The following FAM135B variants were observed in gnomAD, a reference collection of about 807,000 sequenced individuals.
FAM135B encodes family with sequence similarity 135 member B.
FAM135B carries 43 observed loss-of-function variants against 127.7 expected under a neutral mutation model. The ratio of observed to expected loss-of-function variants is 0.34; its 90% CI spans 0.26 to 0.43. The LOEUF (loss-of-function observed/expected upper bound fraction) is 0.43, where lower values mean the gene tolerates loss of function less well. Among genes scored for constraint, FAM135B ranks in the 20% least tolerant of loss-of-function variants. The pLI is 1.00. For missense variants in FAM135B, 1,558 were observed against 1,725.6 expected (o/e 0.90, Z 1.72); for synonymous variants, 670 against 665.1 (o/e 1.01, Z -0.11).
At chr8:138,365,068 A>G (rs2131199567) in intron 2 of FAM135B, among the ~76,000 whole-genome samples, 1 of 152,174 alleles carries the variant, frequency 6.6e-6, no homozygotes, top group African/African-American at 2.4e-5. Context: ...GCTCGTCTCA[A>G]ACTCCCAAAC....
At chr8:138,204,802 A>G (rs1817432421) in intron 7 of FAM135B, among the ~76,000 whole-genome samples, 1 of 152,248 alleles carries the variant, frequency 6.6e-6, no homozygotes, top group African/African-American at 2.4e-5. Flanking sequence ...ACTTTTCAAC[A>G]TGATTCAAAC....
chr8:138,463,517 C>T (rs1697368120), intron 1 of FAM135B, among the ~76,000 whole-genome samples: 2 of 152,150 alleles, frequency 1.3e-5, no homozygotes, highest in East Asian at 3.9e-4. Flanking sequence ...CACCTCCAGG[C>T]CACAGCATCT....
chr8:138,400,253 G>T (rs942226409), intron 1 of FAM135B, among the ~76,000 whole-genome samples: 1 of 152,104 alleles, frequency 6.6e-6, no homozygotes, highest in Admixed American at 6.6e-5. Flanking sequence ...GGGGGCAGGA[G>T]AAATGGAGTG....
chr8:138,291,765 T>C (rs1825128361), intron 3 of FAM135B, among the ~76,000 whole-genome samples: 1 of 152,010 alleles, frequency 6.6e-6, no homozygotes, highest in Admixed American at 6.6e-5. Flanking sequence ...TCTCAACAAA[T>C]TAGGTATAGA....
At chr8:138,379,528 T>C (rs1251744290) in intron 1 of FAM135B, among the ~76,000 whole-genome samples, 1 of 152,174 alleles carries the variant, frequency 6.6e-6, no homozygotes, top group Non-Finnish European at 1.5e-5. Context: ...AAATCCAGCC[T>C]GGAGTGAACC....
chr8:138,466,354 C>T (rs758547447), intron 1 of FAM135B, among the ~76,000 whole-genome samples: 1 of 152,082 alleles, frequency 6.6e-6, no homozygotes, highest in Non-Finnish European at 1.5e-5. Context: ...AGAAGTAGGT[C>T]AGTGGCAGGC....
intron 8 of FAM135B, 98 bp from the exon 9 acceptor site, chr8:138,195,405 A>G: frequency 8.7e-7 from 1 of 1,153,922 alleles, no homozygotes; most frequent in African/African-American, 1.5e-5. Flanking sequence ...ATTGGCATTA[A>G]CGTCACAGAG....
chr8:138,365,287 A>C (rs1027054855), intron 2 of FAM135B, among the ~76,000 whole-genome samples: 3 of 152,218 alleles, frequency 2.0e-5, no homozygotes, highest in Non-Finnish European at 4.4e-5. Flanking sequence ...GATCTAGAAA[A>C]AAGGGAAGAG....
At chr8:138,348,407 T>A (rs924024061) in intron 2 of FAM135B, among the ~76,000 whole-genome samples, 74 of 152,234 alleles carry the variant, frequency 4.9e-4, no homozygotes, top group African/African-American at 1.6e-3. Flanking sequence ...AGTGCGGAGA[T>A]TACAGGCGTG....
chr8:138,386,974 G>A (rs1832257458), intron 1 of FAM135B, among the ~76,000 whole-genome samples: 2 of 152,106 alleles, frequency 1.3e-5, no homozygotes, highest in Non-Finnish European at 2.9e-5. Flanking sequence ...TCATACAGGG[G>A]CCCAATCATT....
At chr8:138,239,082 A>G (rs905428575) in intron 7 of FAM135B, among the ~76,000 whole-genome samples, 1 of 152,202 alleles carries the variant, frequency 6.6e-6, no homozygotes, top group Non-Finnish European at 1.5e-5. Flanking sequence ...TATTTCTGTG[A>G]TGTTTTTATA....
intron 15 of FAM135B, among the ~76,000 whole-genome samples, chr8:138,144,729 C>T (rs185252772): frequency 6.6e-6 from 1 of 152,142 alleles, no homozygotes; most frequent in African/African-American, 2.4e-5. Context: ...GAGTGGCCAA[C>T]TCCTGCAATT....
At chr8:138,407,404 C>G (rs1413880674) in intron 1 of FAM135B, among the ~76,000 whole-genome samples, 1 of 152,192 alleles carries the variant, frequency 6.6e-6, no homozygotes, top group Non-Finnish European at 1.5e-5. Flanking sequence ...TTGGAAAAAA[C>G]TACTTTAAAG....
At chr8:138,274,807 T>C (rs1405781995) in intron 3 of FAM135B, among the ~76,000 whole-genome samples, 1 of 152,206 alleles carries the variant, frequency 6.6e-6, no homozygotes, top group African/African-American at 2.4e-5. Context: ...AATGTGGATC[T>C]GTTCCACCCG....
intron 3 of FAM135B, among the ~76,000 whole-genome samples, chr8:138,280,977 G>A (rs1824221874): frequency 6.6e-6 from 1 of 152,056 alleles, no homozygotes; most frequent in Admixed American, 6.6e-5. Flanking sequence ...AGCTCCTCCG[G>A]GGGTGGAGGC....
rs34987954 is a variant in FAM135B at position 138,195,633 on chromosome 8, T to TACAC, written c.824-330_824-327dup. The stretch of plus-strand genomic sequence containing the variant: ...CCACGTTTATTTCTGTTTTTGCAGG[T>TACAC]ACACACACACACACACACACACACA... On this transcript the variant is annotated intron_variant, in intron 8 of 19. Transcript: ENST00000395297. 6.0e-3 allele frequency among the ~76,000 whole-genome samples: 903 copies of TACAC among 149,768 alleles called. 13 individuals carry two copies. Among genetic ancestry groups the TACAC allele is most frequent in the African/African-American group, 0.021 (841 of 40,910 alleles).
chr8:138,232,121 T>C (rs1387781260), intron 7 of FAM135B, among the ~76,000 whole-genome samples: 1 of 152,236 alleles, frequency 6.6e-6, no homozygotes, highest in African/African-American at 2.4e-5. Context: ...CCCTACCAGG[T>C]TTCCTTACTC....
chr8:138,132,310 C>T lies in FAM135B; in HGVS notation c.*283G>A, dbSNP rs1816276448. 2.7e-6 allele frequency: 1 copy of T among 365,164 alleles called. No individual in the cohort carries two copies. Among genetic ancestry groups the T allele is most frequent in the African/African-American group, 2.1e-5 (1 of 48,306 alleles). 22.6% of individuals were successfully genotyped at this position (365,164 alleles called of 1,614,324 possible). On this transcript the variant is annotated 3_prime_UTR_variant, in exon 20 of 20. Transcript: ENST00000395297. This position sits in a 1 kb window ranked among gnomAD's most constrained non-coding sequence, Gnocchi z 4.5. ...CTAGCAAGGGGAGCTCACCAACTCC[C>T]AAGTATTCTGTTTATTCTCTCATAT... is the stretch of plus-strand genomic sequence containing the variant.
At chr8:138,446,954 T>C (rs1172673248) in intron 1 of FAM135B, among the ~76,000 whole-genome samples, 1 of 151,710 alleles carries the variant, frequency 6.6e-6, no homozygotes, top group African/African-American at 2.4e-5. Context: ...CAAACAAATT[T>C]AAAGAAAAAA....
Sources: allele counts gnomAD v4.1 joint callset (sites outside exome capture counted in the v4.1 genomes callset), GRCh38; gene constraint gnomAD v4.1.1; non-coding constraint Gnocchi (gnomAD v3.1); transcripts MANE v1.5; gene names NCBI Gene and HGNC (gene_info 2026-07-23, HGNC 2026-07-21).